PLEKHA4: variants seen among roughly 807,000 people sequenced by gnomAD.
PLEKHA4 encodes pleckstrin homology domain-containing family A member 4.
A neutral mutation model predicts 94.7 loss-of-function variants in PLEKHA4; 73 were observed. That is an observed-to-expected ratio of 0.77 (90% CI 0.64 to 0.94). The LOEUF is 0.94. PLEKHA4 is among the 40% of genes least tolerant of loss of function. The pLI, the probability that PLEKHA4 is intolerant of heterozygous loss-of-function variation, is 0.00. For synonymous variants in PLEKHA4, 449 were observed against 437.1 expected (o/e 1.03, Z -0.34); for missense variants, 1,049 against 1,054.1 (o/e 1.00, Z 0.07).
chr19:48,863,492 A>G (rs1297498008), intron 3 of PLEKHA4, among the ~76,000 whole-genome samples: 1 of 147,942 alleles, frequency 6.8e-6, no homozygotes, highest in African/African-American at 2.5e-5. Context: ...GTGCAGTGGC[A>G]TGATCTTGGC....
At chr19:48,862,995 G>C (rs549582376) in intron 3 of PLEKHA4, among the ~76,000 whole-genome samples, 1 of 152,176 alleles carries the variant, frequency 6.6e-6, no homozygotes, top group East Asian at 1.9e-4. Flanking sequence ...GACACAGAGA[G>C]GCCAGGAAGG....
chr19:48,865,642 G>C, intron 2 of PLEKHA4, 32 bp from the exon 3 acceptor site: 1 of 1,498,578 alleles, frequency 6.7e-7, no homozygotes, highest in Non-Finnish European at 9.3e-7. Context: ...AGTGAACAGG[G>C]AGAGCCTAGG....
intron 16 of PLEKHA4, among the ~76,000 whole-genome samples, chr19:48,844,804 CTTTTTT>C (rs149141709): frequency 7.3e-4 from 52 of 70,838 alleles, no homozygotes; most frequent in African/African-American, 3.5e-3. Flanking sequence ...CTCAGGGTGT[CTTTTTT>C]TTTTTTTTTT....
Position 48,841,030 on chromosome 19 carries a change from G to A in PLEKHA4, c.1905+119C>T, listed in dbSNP as rs990216636. On this transcript the variant is annotated intron_variant, in intron 17 of 19. Coordinates refer to ENST00000263265, the MANE Select transcript of PLEKHA4 (RefSeq NM_020904.3). Reference sequence around the variant, plus strand: ...CACAAGTACAAACTGGGGTAAATTCGGAAATCCAGTTTGGAGGAAGGAGGT... The same window carrying A: ...CACAAGTACAAACTGGGGTAAATTCAGAAATCCAGTTTGGAGGAAGGAGGT... 66 of 1,078,918 alleles carry A rather than the reference G, an allele frequency of 6.1e-5. No individual in the cohort carries two copies. In the East Asian group the frequency reaches 1.3e-3, roughly 22 times the overall value. The allele number at this position is 1,078,918 out of a possible 1,614,324, so 66.8% of individuals were successfully genotyped here. A position where few individuals can be genotyped will look rare whatever the true frequency, so the allele number is the denominator to read the frequency against.
intron 17 of PLEKHA4, among the ~76,000 whole-genome samples, chr19:48,840,350 G>A (rs756089973): frequency 2.4e-4 from 37 of 151,718 alleles, no homozygotes; most frequent in Non-Finnish European, 4.4e-4. Context: ...AGGAGGTGGA[G>A]GTTGCAGTGA....
At chr19:48,865,932 A>T (rs540916864) in intron 2 of PLEKHA4, among the ~76,000 whole-genome samples, 16 of 151,348 alleles carry the variant, frequency 1.1e-4, no homozygotes, top group South Asian at 2.1e-4. Context: ...GAGAATGGCG[A>T]GAACCCGGGA....
rs551029274 is a variant in PLEKHA4 at position 48,863,236 on chromosome 19, C to G, written c.193-1544G>C. Among the ~76,000 whole-genome samples, 175 of 152,246 alleles carry G rather than the reference C, an allele frequency of 1.1e-3. 1 individual carries two copies. Among genetic ancestry groups the G allele is most frequent in the African/African-American group, 4.0e-3 (166 of 41,544 alleles). ...TTCAGTCTCAAATTCCTTACCATCA[C>G]TTACTGTTTTTTGTTTGTTTGTTTT... On this transcript the variant is annotated intron_variant, in intron 3 of 19. Transcript: ENST00000263265.
intron 16 of PLEKHA4, among the ~76,000 whole-genome samples, chr19:48,842,608 CCAA>C (rs1403213442): frequency 1.3e-5 from 2 of 152,164 alleles, no homozygotes; most frequent in African/African-American, 4.8e-5. Context: ...GAAACTGTGC[CCAA>C]CATCTGCTAC....
At position 48,867,864 on chromosome 19, in the gene PLEKHA4, G is replaced by T. The variant is rs1476564640; in HGVS notation, c.-7+219C>A. 1.3e-5 allele frequency among the ~76,000 whole-genome samples: 2 copies of T among 152,074 alleles called. No homozygotes were observed. The highest frequency in any genetic ancestry group is 2.9e-5 in the Non-Finnish European group (2 of 68,004). On this transcript the variant is annotated intron_variant, in intron 1 of 19. Transcript: ENST00000263265. The surrounding 1 kb of genome is among the most constrained non-coding windows in gnomAD (Gnocchi z 4.7). ...CTGCAGCCCAGGCCAGAGAATAGGGGCTTCTTTATTCCTGCCCACTGCACT... is the reference window on the plus strand; with the variant it reads ...CTGCAGCCCAGGCCAGAGAATAGGGTCTTCTTTATTCCTGCCCACTGCACT...
chr19:48,860,933 G>A (rs1364228462), intron 5 of PLEKHA4, among the ~76,000 whole-genome samples: 1 of 152,130 alleles, frequency 6.6e-6, no homozygotes, highest in African/African-American at 2.4e-5. Flanking sequence ...CTGGACAGAC[G>A]CGGTGGCTCA....
intron 16 of PLEKHA4, among the ~76,000 whole-genome samples, chr19:48,843,958 A>G (rs896702216): frequency 6.7e-6 from 1 of 149,898 alleles, no homozygotes; most frequent in Non-Finnish European, 1.5e-5. Context: ...GCACCTGGCC[A>G]CAGCTAACTT....
In PLEKHA4 at chr19:48,841,146, C is replaced by A. The variant is rs1599865037; in HGVS notation, c.1905+3G>T. 1.2e-6 allele frequency: 2 copies of A among 1,606,406 alleles called. No homozygotes were observed. Among genetic ancestry groups the A allele is most frequent in the East Asian group, 2.2e-5 (1 of 44,640 alleles). On this transcript the variant is annotated splice_donor_region_variant and intron_variant, in intron 17 of 19. Coordinates refer to ENST00000263265, the MANE Select transcript of PLEKHA4 (RefSeq NM_020904.3). ...CGCCCAGCCCCAGCCCTCCTCCCCT[C>A]ACCCTTTGCTCCACGTCAGGCTGGC...
Position 48,837,660 on chromosome 19 carries a change from C to A in PLEKHA4, c.2078-109G>T. 1 of 1,369,332 alleles carries A rather than the reference C, an allele frequency of 7.3e-7. No homozygotes were observed. Among genetic ancestry groups the A allele is most frequent in the Non-Finnish European group, 1.0e-6 (1 of 988,550 alleles). The allele number at this position is 1,369,332 out of a possible 1,614,324, so 84.8% of individuals were successfully genotyped here. ...GACTCCGGATTCCCAGCCCCTCCTC[C>A]ATCAGACCCAGGAGTCCAGGCCCCC... On this transcript the variant is annotated intron_variant, in intron 19 of 19. Transcript: ENST00000263265. The surrounding 1 kb of genome is among the most constrained non-coding windows in gnomAD (Gnocchi z 4.3).
chr19:48,867,737 CGGGACTTGGG>C lies in PLEKHA4; in HGVS notation c.-6-121_-6-112del. On this transcript the variant is annotated intron_variant, in intron 1 of 19. Transcript: ENST00000263265. This position sits in a 1 kb window ranked among gnomAD's most constrained non-coding sequence, Gnocchi z 4.7. ...GCTGCAGAGAAAGAGCCTGTTGTTT[CGGGACTTGGG>C]GGGCTGGGGGAGGCCATGGCCCGTG... 1 of 1,037,740 alleles carries C rather than the reference CGGGACTTGGG, an allele frequency of 9.6e-7. No individual in the cohort carries two copies. The highest frequency in any genetic ancestry group is 1.5e-5 in the South Asian group (1 of 68,326). The allele number at this position is 1,037,740 out of a possible 1,614,324, so 64.3% of individuals were successfully genotyped here. A position where few individuals can be genotyped will look rare whatever the true frequency, so the allele number is the denominator to read the frequency against.
intron 3 of PLEKHA4, among the ~76,000 whole-genome samples, chr19:48,864,237 C>T (rs2036750961): frequency 6.6e-6 from 1 of 151,258 alleles, no homozygotes. Flanking sequence ...GGCGCAACCT[C>T]GGCTCACTGC....
At chr19:48,844,496 C>G in intron 16 of PLEKHA4, 1 of 985,284 alleles carries the variant, frequency 1.0e-6, no homozygotes, top group Non-Finnish European at 1.2e-6. Context: ...GTAATCCCAA[C>G]AGGTACCCCA....
intron 16 of PLEKHA4, among the ~76,000 whole-genome samples, chr19:48,844,986 T>C (rs1405689784): frequency 6.6e-6 from 1 of 151,848 alleles, no homozygotes; most frequent in Non-Finnish European, 1.5e-5. Flanking sequence ...GGCTAATTTT[T>C]GTACTTTTAG....
At chr19:48,864,702 A>G (rs117227130) in intron 3 of PLEKHA4, among the ~76,000 whole-genome samples, 19,213 of 151,836 alleles carry the variant, frequency 0.13, 1,514 homozygotes, top group Non-Finnish European at 0.17. Context: ...CTGGGACTAT[A>G]GGCGCACACC....
intron 12 of PLEKHA4, 48 bp downstream of exon 12, chr19:48,853,634 A>C: frequency 6.9e-7 from 1 of 1,442,354 alleles, no homozygotes; most frequent in Non-Finnish European, 9.1e-7. Context: ...AACGACTTGC[A>C]TAGTCCTGGG....
Sources: allele counts gnomAD v4.1 joint callset (sites outside exome capture counted in the v4.1 genomes callset), GRCh38; gene constraint gnomAD v4.1.1; non-coding constraint Gnocchi (gnomAD v3.1); transcripts MANE v1.5; gene names NCBI Gene and HGNC (gene_info 2026-07-23, HGNC 2026-07-21).